The following CCDC50 variants were observed in gnomAD, a reference collection of about 807,000 sequenced individuals.
CCDC50 encodes coiled-coil domain-containing protein 50.
In CCDC50, 54 loss-of-function variants were observed where a neutral mutation model predicts 70.2. That is an observed-to-expected ratio of 0.77 (90% CI 0.62 to 0.96). CCDC50 has a LOEUF of 0.96. Ranked by LOEUF, CCDC50 falls within the 50% of genes least tolerant of loss-of-function variation. The pLI is 0.00. For missense variants in CCDC50, 558 were observed against 578.7 expected (o/e 0.96, Z 0.37); for synonymous variants, 216 against 198.8 (o/e 1.09, Z -0.73).
chr3:191,375,347 T>C lies in CCDC50; in HGVS notation c.734T>C (p.Val245Ala). Residue 245 changes from valine to alanine, a missense_variant, in exon 6 of 12, where the codon GTG becomes GCG. Physicochemically the swap from Val to Ala is moderately conservative, Grantham distance 64. Transcript: ENST00000392455. Reference protein sequence around the residue: ...RPLLPTISGEVFLSTECDDWE... With the variant: ...RPLLPTISGEAFLSTECDDWE... ...CTGCTTCCCACGATCAGTGGTGAAGTGTTTCTGAGCACTGAATGTGATGAC... is the reference window on the plus strand; with the variant it reads ...CTGCTTCCCACGATCAGTGGTGAAGCGTTTCTGAGCACTGAATGTGATGAC... 1 of 1,613,640 alleles carries C rather than the reference T, an allele frequency of 6.2e-7. No homozygotes were observed. Among genetic ancestry groups the C allele is most frequent in the African/African-American group, 1.3e-5 (1 of 75,014 alleles).
Position 191,331,814 on chromosome 3 carries a change from A to C in CCDC50, c.49+2091A>C, listed in dbSNP as rs187820974. ...CAGTGTCTTTATCCTAATTAAAGAG[A>C]ATGAAGCTTGTGCCCCTGATAGGGT... On this transcript the variant is annotated intron_variant, in intron 1 of 11. Coordinates refer to ENST00000392455, the MANE Select transcript of CCDC50 (RefSeq NM_178335.3). 5.5e-3 allele frequency among the ~76,000 whole-genome samples: 831 copies of C among 152,318 alleles called. 3 individuals are homozygous for C. Among genetic ancestry groups the C allele is most frequent in the Non-Finnish European group, 9.2e-3 (629 of 68,028 alleles).
At chr3:191,367,149 G>A (rs1324300322) in intron 4 of CCDC50, among the ~76,000 whole-genome samples, 2 of 152,012 alleles carry the variant, frequency 1.3e-5, no homozygotes, top group African/African-American at 2.4e-5. Context: ...AAAGGTTTGG[G>A]TGCTAAGGTG....
At chr3:191,333,496 C>A (rs141827882) in intron 1 of CCDC50, among the ~76,000 whole-genome samples, 1 of 152,142 alleles carries the variant, frequency 6.6e-6, no homozygotes, top group Non-Finnish European at 1.5e-5. Context: ...TCTGGCTACA[C>A]GGCAAACCCA....
At chr3:191,373,166 T>C (rs1712973480) in intron 5 of CCDC50, among the ~76,000 whole-genome samples, 1 of 152,074 alleles carries the variant, frequency 6.6e-6, no homozygotes. Context: ...GTAAGTTATA[T>C]TTGCCAAATA....
chr3:191,329,624 G>T lies in CCDC50; in HGVS notation c.-51G>T. 6.3e-7 allele frequency: 1 copy of T among 1,579,818 alleles called. No homozygotes were observed. The highest frequency in any genetic ancestry group is 8.6e-7 in the Non-Finnish European group (1 of 1,163,688). On this transcript the variant is annotated 5_prime_UTR_variant, in exon 1 of 12. Coordinates refer to ENST00000392455, the MANE Select transcript of CCDC50 (RefSeq NM_178335.3). ...GCGCTCGGGGCCCCGCTCGGCGCCG[G>T]CGGTGACCGGGAAGCCCGCGTTAAA...
intron 5 of CCDC50, among the ~76,000 whole-genome samples, chr3:191,374,196 G>T (rs1238579079): frequency 2.0e-5 from 3 of 152,064 alleles, no homozygotes; most frequent in African/African-American, 7.2e-5. Context: ...GCCTAAAAAA[G>T]ACCTGAAAAA....
chr3:191,374,737 G>A (rs1713032951), intron 5 of CCDC50, among the ~76,000 whole-genome samples: 1 of 152,100 alleles, frequency 6.6e-6, no homozygotes, highest in African/African-American at 2.4e-5. Context: ...TTTATAAATA[G>A]AACTTAATGT....
intron 1 of CCDC50, among the ~76,000 whole-genome samples, chr3:191,331,201 G>A (rs1717971727): frequency 6.6e-6 from 1 of 152,148 alleles, no homozygotes; most frequent in South Asian, 2.1e-4. Flanking sequence ...TGTAGTGCAT[G>A]GTGAGTAGAA....
rs773033895 is a variant in CCDC50 at position 191,380,950 on chromosome 3, T to G, written c.1242+18T>G. 6.3e-7 allele frequency: 1 copy of G among 1,590,186 alleles called. No individual in the cohort carries two copies. Among genetic ancestry groups the G allele is most frequent in the East Asian group, 2.3e-5 (1 of 44,028 alleles). On this transcript the variant is annotated intron_variant, in intron 9 of 11. Transcript: ENST00000392455. ...AGTGGAAGGTAGAGTGTGTTTTGTTTGTTTTCTAATTAGAAATAAAATTAG... is the reference window on the plus strand; with the variant it reads ...AGTGGAAGGTAGAGTGTGTTTTGTTGGTTTTCTAATTAGAAATAAAATTAG...
At chr3:191,355,943 G>A (rs1274098263) in intron 1 of CCDC50, among the ~76,000 whole-genome samples, 4 of 152,070 alleles carry the variant, frequency 2.6e-5, no homozygotes, top group Non-Finnish European at 5.9e-5. Context: ...AATGTTGAGT[G>A]TATATGTGAA....
chr3:191,378,888 TACTA>T (rs1185930706), intron 6 of CCDC50, among the ~76,000 whole-genome samples: 1 of 152,102 alleles, frequency 6.6e-6, no homozygotes, highest in Non-Finnish European at 1.5e-5. Context: ...AAGCCATGTT[TACTA>T]GTCTGTCTTT....
chr3:191,334,302 A>G lies in CCDC50; in HGVS notation c.49+4579A>G, dbSNP rs561138091. 3.9e-5 allele frequency among the ~76,000 whole-genome samples: 6 copies of G among 152,324 alleles called. No homozygotes were observed. The South Asian group carries it at 1.2e-3, about 32-fold the overall frequency. On this transcript the variant is annotated intron_variant, in intron 1 of 11. Coordinates refer to ENST00000392455, the MANE Select transcript of CCDC50 (RefSeq NM_178335.3). ...AATGGCTTTCACAAAAGGGAAGAAA[A>G]TAGTATATTGCCATATGTAGACTTG... is the stretch of plus-strand genomic sequence containing the variant.
Position 191,375,265 on chromosome 3 carries a change from A to G in CCDC50, c.652A>G (p.Ile218Val), listed in dbSNP as rs1219142078. Reference sequence around the variant, plus strand: ...GGGCAAAGGGAGGGACAATCCCCATATTAACAATGAGCAGCATGAAAGGAA... The same window carrying G: ...GGGCAAAGGGAGGGACAATCCCCATGTTAACAATGAGCAGCATGAAAGGAA... ...SSGKGRDNPH[I>V]NNEQHERKRS... The change falls in exon 6 of 12, where the codon ATT becomes GTT. Residue 218 changes from isoleucine to valine, a missense_variant. Transcript: ENST00000392455. 3 of 1,613,738 alleles carry G rather than the reference A, an allele frequency of 1.9e-6. No homozygotes were observed. In the East Asian group the frequency reaches 6.7e-5, roughly 36 times the overall value.
chr3:191,355,480 A>G (rs887889612), intron 1 of CCDC50, among the ~76,000 whole-genome samples: 1 of 152,160 alleles, frequency 6.6e-6, no homozygotes, highest in Non-Finnish European at 1.5e-5. Context: ...AAGGAGGGCC[A>G]TCATTGTGTC....
rs1338833364 is a variant in CCDC50, at chr3:191,375,409, GAA to G, written c.800_801del (p.Lys267ThrfsTer33). ...GATTAACCATCAGACTCGAAATTGG[GAA>G]AAACAGTCTCGACACCAAGATCGAC... ...TKINHQTRNW[E>X]KQSRHQDRLS... On this transcript the variant is annotated frameshift_variant, in exon 6 of 12. Coordinates refer to ENST00000392455, the MANE Select transcript of CCDC50 (RefSeq NM_178335.3). LOFTEE classifies it high-confidence loss of function. 1 of 1,613,738 alleles carries G rather than the reference GAA, an allele frequency of 6.2e-7. No homozygotes were observed. Among genetic ancestry groups the G allele is most frequent in the Non-Finnish European group, 8.5e-7 (1 of 1,179,860 alleles).
At position 191,375,470 on chromosome 3, in the gene CCDC50, A is replaced by G; in HGVS notation, c.857A>G (p.His286Arg). Residue 286 changes from histidine (H) to arginine (R), a missense_variant, in exon 6 of 12, where the codon CAC becomes CGC. His to Arg is a conservative substitution (Grantham distance 29). Transcript: ENST00000392455. Reference sequence around the variant, plus strand: ...AAGTCCTCACAAAAAGCAGGGCTTCACTGCAAGGAAGTTGTATATGGGAGG... The same window carrying G: ...AAGTCCTCACAAAAAGCAGGGCTTCGCTGCAAGGAAGTTGTATATGGGAGG... ...SPKSSQKAGLHCKEVVYGRDH... is the reference protein window; with the variant it reads ...SPKSSQKAGLRCKEVVYGRDH... 6.2e-7 allele frequency: 1 copy of G among 1,613,792 alleles called. No individual in the cohort carries two copies. Among genetic ancestry groups the G allele is most frequent in the Non-Finnish European group, 8.5e-7 (1 of 1,179,836 alleles).
chr3:191,345,894 C>A (rs1576952028), intron 1 of CCDC50, among the ~76,000 whole-genome samples: 2 of 152,090 alleles, frequency 1.3e-5, no homozygotes. Flanking sequence ...GCTTATTACC[C>A]TTGTAAAACT....
rs1002728394 is a variant in CCDC50 at position 191,330,880 on chromosome 3, G to A, written c.49+1157G>A. On this transcript the variant is annotated intron_variant, in intron 1 of 11. Coordinates refer to ENST00000392455, the MANE Select transcript of CCDC50 (RefSeq NM_178335.3). Reference sequence around the variant, plus strand: ...GTCACTGATTTTATGTAGAATTTCTGATGGGCCTAGTTCTGTCTTACTGTT... The same window carrying A: ...GTCACTGATTTTATGTAGAATTTCTAATGGGCCTAGTTCTGTCTTACTGTT... 5.9e-5 allele frequency among the ~76,000 whole-genome samples: 9 copies of A among 152,278 alleles called. No homozygotes were observed. In the East Asian group the frequency reaches 1.7e-3, roughly 29 times the overall value.
At chr3:191,363,436 C>T (rs1235932493) in intron 4 of CCDC50, among the ~76,000 whole-genome samples, 1 of 152,182 alleles carries the variant, frequency 6.6e-6, no homozygotes, top group African/African-American at 2.4e-5. Flanking sequence ...CAGCACCGCC[C>T]TTAACCACGC....
Sources: gnomAD v4.1 joint callset for allele counts (sites outside exome capture counted in the v4.1 genomes callset) on GRCh38, gnomAD v4.1.1 for gene constraint, MANE v1.5 for transcripts, NCBI Gene and HGNC (gene_info 2026-07-23, HGNC 2026-07-21) for gene names.